ZBTB37: variants seen among roughly 807,000 people sequenced by gnomAD.
ZBTB37 encodes zinc finger and BTB domain containing 37.
ZBTB37 carries 15 observed loss-of-function variants against 37.7 expected under a neutral mutation model. The observed-to-expected ratio is 0.40, with a 90% CI of 0.27 to 0.61. The LOEUF (loss-of-function observed/expected upper bound fraction) is 0.61. ZBTB37 is among the 20% of genes least tolerant of loss of function. The probability of loss-of-function intolerance (pLI) is 0.44; values close to 1 mark genes in which losing one functional copy is unlikely to be tolerated. For synonymous variants in ZBTB37, 231 were observed against 220.6 expected (o/e 1.05, Z -0.42); for missense variants, 514 against 641.9 (o/e 0.80, Z 2.15).
At chr1:173,870,462 T>A in exon 3 of ZBTB37, 1 of 1,614,242 alleles carries the variant, frequency 6.2e-7, no homozygotes, top group Non-Finnish European at 8.5e-7. Flanking sequence ...ACCCTACTGT[T>A]TTTGAACAGC....
exon 3 of ZBTB37, chr1:173,871,016 A>G: frequency 6.2e-7 from 1 of 1,614,228 alleles, no homozygotes; most frequent in Non-Finnish European, 8.5e-7. Context: ...TCTGGAGAAG[A>G]TGGGAGTAGT....
exon 4 of ZBTB37, chr1:173,899,890 C>T (rs960806900): frequency 1.3e-5 from 2 of 152,194 alleles, no homozygotes; most frequent in African/African-American, 4.8e-5. Flanking sequence ...GAGATATTGT[C>T]ATCCATCCAG....
intron 4 of ZBTB37, among the ~76,000 whole-genome samples, chr1:173,880,033 G>C (rs933327248): frequency 6.6e-6 from 1 of 152,132 alleles, no homozygotes; most frequent in African/African-American, 2.4e-5. Flanking sequence ...GTCCTACAAA[G>C]CCCAGACAAA....
exon 4 of ZBTB37, chr1:173,892,436 A>C (rs983854336): frequency 1.3e-5 from 2 of 152,180 alleles, no homozygotes; most frequent in Non-Finnish European, 2.9e-5. Context: ...CTTTCTAAGC[A>C]AGCAGGCTTT....
chr1:173,869,463 A>G (rs1655349489), intron 2 of ZBTB37, among the ~76,000 whole-genome samples: 1 of 152,204 alleles, frequency 6.6e-6, no homozygotes, highest in African/African-American at 2.4e-5. Context: ...GATCTGGAGA[A>G]CTAAGTTTCA....
chr1:173,878,351 T>A (rs1656099225), intron 4 of ZBTB37, among the ~76,000 whole-genome samples: 1 of 152,254 alleles, frequency 6.6e-6, no homozygotes, highest in African/African-American at 2.4e-5. Flanking sequence ...TTCTTTCCTC[T>A]TTTTGTTTTT....
At chr1:173,868,962 T>C (rs1274267191) in exon 2 of ZBTB37, 1 of 152,632 alleles carries the variant, frequency 6.6e-6, no homozygotes, top group Non-Finnish European at 1.5e-5. Context: ...CGAAAGACTT[T>C]CCTCCAGGGG....
At chr1:173,875,159 T>TGC (rs55910730) in intron 4 of ZBTB37, among the ~76,000 whole-genome samples, 3 of 135,568 alleles carry the variant, frequency 2.2e-5, no homozygotes, top group South Asian at 2.4e-4. Context: ...TGTGTGTGTG[T>TGC]GCACGTGTGT....
chr1:173,889,893 T>C (rs1004871982), downstream of ZBTB37: 2 of 152,230 alleles, frequency 1.3e-5, no homozygotes, highest in Non-Finnish European at 1.5e-5. Context: ...ATGTTTCCAG[T>C]TCCCTCTACA....
chr1:173,877,924 G>A (rs575121787), intron 4 of ZBTB37, among the ~76,000 whole-genome samples: 1 of 152,138 alleles, frequency 6.6e-6, no homozygotes, highest in African/African-American at 2.4e-5. Flanking sequence ...TCTTTTACTT[G>A]AAAACATTCT....
At chr1:173,871,015 G>T in exon 3 of ZBTB37, 1 of 1,614,258 alleles carries the variant, frequency 6.2e-7, no homozygotes, top group Non-Finnish European at 8.5e-7. Flanking sequence ...TTCTGGAGAA[G>T]ATGGGAGTAG....
intron 4 of ZBTB37, among the ~76,000 whole-genome samples, chr1:173,875,209 C>T (rs1289565920): frequency 2.0e-5 from 3 of 148,954 alleles, no homozygotes; most frequent in African/African-American, 7.4e-5. Context: ...ACTATGTATA[C>T]TATAGTATGC....
chr1:173,891,394 A>C (rs1656833821), downstream of ZBTB37: 1 of 152,222 alleles, frequency 6.6e-6, no homozygotes, highest in Admixed American at 6.5e-5. Context: ...CATGTAGAGC[A>C]GTAAAAAGCC....
At chr1:173,888,475 C>T (rs1656714104), downstream of ZBTB37, 1 of 144,342 alleles carries the variant, frequency 6.9e-6, no homozygotes, top group Admixed American at 6.7e-5. Context: ...TCACCCAAAC[C>T]AGAGTGCAGT....
exon 4 of ZBTB37, chr1:173,893,856 A>G (rs1656945340): frequency 6.6e-6 from 1 of 152,214 alleles, no homozygotes; most frequent in African/African-American, 2.4e-5. Context: ...ATTATATCAT[A>G]TTTTATAGAT....
At chr1:173,885,955 T>G in exon 5 of ZBTB37, 1 of 1,551,764 alleles carries the variant, frequency 6.4e-7, no homozygotes, top group Non-Finnish European at 8.7e-7. Flanking sequence ...AATCAGCACT[T>G]TCGCAAAAAC....
downstream of ZBTB37, chr1:173,888,866 TCTC>T (rs1258684495): frequency 1.3e-5 from 2 of 152,206 alleles, no homozygotes; most frequent in African/African-American, 4.8e-5. Context: ...ATTTGTCAAT[TCTC>T]CTTCCAGGGT....
At chr1:173,872,228 T>C (rs1655617157) in intron 3 of ZBTB37, among the ~76,000 whole-genome samples, 1 of 151,898 alleles carries the variant, frequency 6.6e-6, no homozygotes, top group South Asian at 2.1e-4. Flanking sequence ...GCCCCCATGC[T>C]CAGCTAATTT....
chr1:173,870,666 G>A, exon 3 of ZBTB37: 1 of 1,614,186 alleles, frequency 6.2e-7, no homozygotes, highest in South Asian at 1.1e-5. Flanking sequence ...AGCATCAAGA[G>A]AGACCTCCAG....
Sources: allele counts gnomAD v4.1 joint callset (sites outside exome capture counted in the v4.1 genomes callset), GRCh38; gene constraint gnomAD v4.1.1; transcripts MANE v1.5; gene names NCBI Gene and HGNC (gene_info 2026-07-23, HGNC 2026-07-21).